The following GNB5 variants were observed in gnomAD, a reference collection of about 807,000 sequenced individuals.
GNB5 encodes the protein G protein subunit beta 5, also known as guanine nucleotide-binding protein subunit beta-5.
A neutral mutation model predicts 55.3 loss-of-function variants in GNB5; 37 were observed. The ratio of observed to expected loss-of-function variants is 0.67; its 90% CI spans 0.51 to 0.88. GNB5 has a LOEUF of 0.88. Ranked by LOEUF, GNB5 falls within the 40% of genes least tolerant of loss-of-function variation. The pLI is 0.00. For synonymous variants in GNB5, 219 were observed against 198.5 expected (o/e 1.10, Z -0.87); for missense variants, 476 against 515.3 (o/e 0.92, Z 0.74).
rs528909655 is a variant in GNB5, at chr15:52,127,401, G to A, written c.912+795C>T. Reference sequence around the variant, plus strand: ...TTGGAGTGTTCATTTTATTGTTTATGTAACTCCATTCGTATCTACAGGATT... The same window carrying A: ...TTGGAGTGTTCATTTTATTGTTTATATAACTCCATTCGTATCTACAGGATT... On this transcript the variant is annotated intron_variant, in intron 10 of 12. Transcript: ENST00000261837. Among the ~76,000 whole-genome samples the A allele has an allele frequency of 2.1e-4, 32 of 152,192 alleles. 2 individuals carry two copies. In the South Asian group the frequency reaches 6.2e-3, roughly 30 times the overall value.
chr15:52,181,820 A>G (rs1388803254), intron 2 of GNB5, among the ~76,000 whole-genome samples: 1 of 152,158 alleles, frequency 6.6e-6, no homozygotes, highest in Non-Finnish European at 1.5e-5. Flanking sequence ...TGCTCAGTTA[A>G]TGCTAGTTTA....
At chr15:52,181,835 A>C (rs996714235) in intron 2 of GNB5, among the ~76,000 whole-genome samples, 2 of 152,174 alleles carry the variant, frequency 1.3e-5, no homozygotes, top group East Asian at 3.9e-4. Context: ...AGTTTATTAA[A>C]TGGATGTATA....
At chr15:52,162,840 T>G (rs56035758) in intron 3 of GNB5, 6,401 of 152,264 alleles carry the variant, frequency 0.042, 197 homozygotes, top group Non-Finnish European at 0.058. Flanking sequence ...CTGCTTCACT[T>G]GACTAGCCTT....
chr15:52,188,072 C>T lies in GNB5; in HGVS notation c.-19+3250G>A, dbSNP rs182861283. On this transcript the variant is annotated intron_variant, in intron 1 of 12. Transcript: ENST00000261837. ...TGACCTGTTGGCATTTTATGTTTTC[C>T]TCTAGTATCTTTATAAGTATATATG... Among the ~76,000 whole-genome samples the T allele has an allele frequency of 5.1e-3, 778 of 152,204 alleles. 6 individuals carry two copies. Among genetic ancestry groups the T allele is most frequent in the African/African-American group, 0.018 (759 of 41,560 alleles).
At chr15:52,147,176 T>G (rs562409885) in intron 6 of GNB5, 33 of 243,168 alleles carry the variant, frequency 1.4e-4, no homozygotes, top group Non-Finnish European at 2.2e-4. Context: ...GTTTTTTTTT[T>G]TTTTTTTTAA....
chr15:52,135,861 A>ACG, intron 7 of GNB5, 105 bp from the exon 8 acceptor site: 1 of 659,628 alleles, frequency 1.5e-6, no homozygotes, highest in Non-Finnish European at 2.6e-6. Context: ...GAACACACAC[A>ACG]CACACACACA....
intron 1 of GNB5, among the ~76,000 whole-genome samples, chr15:52,188,018 A>G (rs549576544): frequency 3.3e-5 from 5 of 152,266 alleles, no homozygotes; most frequent in Non-Finnish European, 7.4e-5. Flanking sequence ...AGGGGAAAGT[A>G]AATCGCCCAC....
chr15:52,124,573 C>T lies in GNB5; in HGVS notation c.1076G>A (p.Arg359Gln). 5 of 1,613,726 alleles carry T rather than the reference C, an allele frequency of 3.1e-6. No homozygotes were observed. Among genetic ancestry groups the T allele is most frequent in the East Asian group, 2.2e-5 (1 of 44,880 alleles). ...TTCATGTCCAAACAGGATGGAGACC[C>T]GGGACCCTTTGAGAACATCCCAGAC... is the stretch of plus-strand genomic sequence containing the variant. ...INVWDVLKGSRVSILFGHENR... is the reference protein window; with the variant it reads ...INVWDVLKGSQVSILFGHENR... The change falls in exon 12 of 13, where the codon CGG becomes CAG. Residue 359 changes from arginine to glutamine, a missense_variant. Transcript: ENST00000261837.
intron 12 of GNB5, 110 bp from the exon 13 acceptor site, chr15:52,122,878 A>G: frequency 1.3e-6 from 1 of 798,438 alleles, no homozygotes; most frequent in Non-Finnish European, 2.2e-6. Context: ...GGGCATACAT[A>G]TATGTGTGTG....
intron 9 of GNB5, 100 bp from the exon 10 acceptor site, chr15:52,128,344 G>C: frequency 1.3e-6 from 1 of 786,750 alleles, no homozygotes; most frequent in Non-Finnish European, 2.2e-6. Context: ...TATTTCTAGG[G>C]ACTCAAGGAA....
In GNB5 at chr15:52,136,153, CACACACACACACACACACA is replaced by C. The variant is rs1245796948; in HGVS notation, c.628-416_628-398del. On this transcript the variant is annotated intron_variant, in intron 7 of 12. Coordinates refer to ENST00000261837, the MANE Select transcript of GNB5 (RefSeq NM_016194.4). ...ACACACACACACACACACACACACA[CACACACACACACACACACA>C]CCCTACCTGCTGTATCTGGGTTCAT... Among the ~76,000 whole-genome samples the C allele has an allele frequency of 8.8e-4, 121 of 138,006 alleles. 2 individuals carry two copies. The highest frequency in any genetic ancestry group is 9.5e-4 in the Admixed American group (13 of 13,748). 90.5% of individuals were successfully genotyped at this position (138,006 alleles called of 152,430 possible). A position where few individuals can be genotyped will look rare whatever the true frequency, so the allele number is the denominator to read the frequency against.
chr15:52,138,064 C>G, intron 7 of GNB5: 2 of 740,968 alleles, frequency 2.7e-6, no homozygotes, highest in Non-Finnish European at 4.1e-6. Context: ...CCCTTTGCCC[C>G]CTTTCCCTTT....
At position 52,176,068 on chromosome 15, in the gene GNB5, C is replaced by T. The variant is rs1172414436; in HGVS notation, c.238+3700G>A. Among the ~76,000 whole-genome samples the T allele has an allele frequency of 1.4e-5, 2 of 142,456 alleles. 1 individual carries two copies. The highest frequency in any genetic ancestry group is 1.5e-4 in the Admixed American group (2 of 13,436). 93.5% of individuals were successfully genotyped at this position (142,456 alleles called of 152,430 possible). On this transcript the variant is annotated intron_variant, in intron 3 of 12. Transcript: ENST00000261837. ...CATCTCAAAAAAAAACAAAACAAAA[C>T]AAACAAACAAACAAAAACATCTGTT...
chr15:52,180,082 G>A, intron 2 of GNB5: 1 of 476,268 alleles, frequency 2.1e-6, no homozygotes, highest in Non-Finnish European at 3.2e-6. Context: ...CGCAGTGCCT[G>A]GTGCGATGTC....
rs1416469425 is a variant in GNB5, at chr15:52,115,691, G to GT, written c.*7065dup. 6.6e-6 allele frequency: 1 copy of GT among 152,162 alleles called. No individual in the cohort carries two copies. The highest frequency in any genetic ancestry group is 1.9e-4 in the East Asian group (1 of 5,198). 9.4% of individuals were successfully genotyped at this position (152,162 alleles called of 1,614,324 possible). On this transcript the variant is annotated 3_prime_UTR_variant, in exon 13 of 13. Transcript: ENST00000261837. ...GCTTATTATTTTTTCCACGTTTTAA[G>GT]TAACAGCTTTATTGAGATGTAATTC...
intron 1 of GNB5, among the ~76,000 whole-genome samples, chr15:52,186,078 C>T (rs1039172105): frequency 6.6e-6 from 1 of 152,160 alleles, no homozygotes; most frequent in Non-Finnish European, 1.5e-5. Flanking sequence ...CACACCTGGC[C>T]TCATCTCTTG....
At chr15:52,137,700 T>TC (rs2033757156) in intron 7 of GNB5, 2 of 1,186,288 alleles carry the variant, frequency 1.7e-6, no homozygotes, top group Admixed American at 7.3e-5. Context: ...GAGCATACCT[T>TC]CCTGGGATTG....
In GNB5 at chr15:52,135,897, T is replaced by C. The variant is rs1341526027; in HGVS notation, c.628-141A>G. On this transcript the variant is annotated intron_variant, in intron 7 of 12. Coordinates refer to ENST00000261837, the MANE Select transcript of GNB5 (RefSeq NM_016194.4). ...CACACACACACACACACACACACCC[T>C]ACCTGCTGTATCTGGGTTCATGCAC... is the stretch of plus-strand genomic sequence containing the variant. 6 of 389,382 alleles carry C rather than the reference T, an allele frequency of 1.5e-5. No homozygotes were observed. In the African/African-American group the frequency reaches 3.4e-4, roughly 22 times the overall value. The allele number at this position is 389,382 out of a possible 1,614,324, so 24.1% of individuals were successfully genotyped here. A position where few individuals can be genotyped will look rare whatever the true frequency, so the allele number is the denominator to read the frequency against.
intron 8 of GNB5, among the ~76,000 whole-genome samples, chr15:52,135,233 C>T (rs1010994782): frequency 3.3e-5 from 5 of 152,082 alleles, no homozygotes; most frequent in Admixed American, 6.5e-5. Context: ...TGCCCTTGTG[C>T]GCATCTCTGA....
Sources: gnomAD v4.1 joint callset for allele counts (sites outside exome capture counted in the v4.1 genomes callset) on GRCh38, gnomAD v4.1.1 for gene constraint, MANE v1.5 for transcripts, NCBI Gene and HGNC (gene_info 2026-07-23, HGNC 2026-07-21) for gene names.